Variants in PSD2 observed in about 807,000 individuals in gnomAD.
PSD2 encodes PH and SEC7 domain-containing protein 2.
A neutral mutation model predicts 69.8 loss-of-function variants in PSD2; 38 were observed. The ratio of observed to expected loss-of-function variants is 0.54; its 90% CI spans 0.42 to 0.71. The LOEUF (loss-of-function observed/expected upper bound fraction) is 0.71. PSD2 is among the 30% of genes least tolerant of loss of function. The probability of loss-of-function intolerance (pLI) is 0.00; values close to 1 mark genes in which losing one functional copy is unlikely to be tolerated. For missense variants in PSD2, 943 were observed against 1,014.5 expected (o/e 0.93, Z 0.96); for synonymous variants, 412 against 423.0 (o/e 0.97, Z 0.32).
intron 13 of PSD2, 122 bp downstream of exon 13, chr5:139,838,894 G>A: frequency 9.5e-7 from 1 of 1,058,144 alleles, no homozygotes; most frequent in Non-Finnish European, 1.4e-6. Flanking sequence ...AAGGACACCA[G>A]AGAAGGACAC....
intron 4 of PSD2, among the ~76,000 whole-genome samples, chr5:139,817,220 C>T (rs1443830552): frequency 6.6e-6 from 1 of 152,224 alleles, no homozygotes; most frequent in South Asian, 2.1e-4. Flanking sequence ...CCTGGGGACA[C>T]TGCATCATCC....
chr5:139,835,667 G>A (rs1581738518), intron 8 of PSD2, 56 bp from the exon 9 acceptor site: 1 of 1,552,140 alleles, frequency 6.4e-7, no homozygotes, highest in Non-Finnish European at 8.9e-7. Flanking sequence ...GGTGGTAGAT[G>A]AGGGTTTCTT....
intron 7 of PSD2, among the ~76,000 whole-genome samples, chr5:139,832,584 T>G (rs1283676708): frequency 6.6e-6 from 1 of 152,244 alleles, no homozygotes; most frequent in Admixed American, 6.5e-5. Flanking sequence ...ATCAGCATGG[T>G]AAAGACTCTG....
At chr5:139,791,365 G>A (rs1759412986), upstream of PSD2, among the ~76,000 whole-genome samples, 1 of 152,152 alleles carries the variant, frequency 6.6e-6, no homozygotes, top group Non-Finnish European at 1.5e-5. Context: ...GGGAAGTCAA[G>A]GCTGCACTGA....
At chr5:139,761,017 A>G in the PSD2 span, among the ~76,000 whole-genome samples, 1 of 152,170 alleles carries the variant, frequency 6.6e-6, no homozygotes, top group South Asian at 2.1e-4. Flanking sequence ...TAAATACACA[A>G]ATAAATAAAA....
chr5:139,818,096 C>T (rs1180005975), intron 5 of PSD2, among the ~76,000 whole-genome samples: 1 of 152,068 alleles, frequency 6.6e-6, no homozygotes. Context: ...GGGTGCAGCC[C>T]TGTAGTATCT....
At chr5:139,818,019 T>C (rs1328916517) in intron 5 of PSD2, among the ~76,000 whole-genome samples, 1 of 152,168 alleles carries the variant, frequency 6.6e-6, no homozygotes, top group Non-Finnish European at 1.5e-5. Context: ...TATTGGTGTT[T>C]GGACCTAGGG....
rs1490610155 is a variant in PSD2 at position 139,837,240 on chromosome 5, T to C, written c.1665+2T>C. The C allele has an allele frequency of 6.2e-7, 1 of 1,613,640 alleles. No homozygotes were observed. Among genetic ancestry groups the C allele is most frequent in the Admixed American group, 1.7e-5 (1 of 60,008 alleles). ...GGGACCATCCTGTACCTGCAGAAGG[T>C]GAGAGACTGCCCCAGAGACCTTACT... On this transcript the variant is annotated splice_donor_variant, in intron 11 of 14. Coordinates refer to ENST00000274710, the MANE Select transcript of PSD2 (RefSeq NM_032289.4). LOFTEE classifies it high-confidence loss of function. The surrounding 1 kb of genome is among the most constrained non-coding windows in gnomAD (Gnocchi z 5.0).
chr5:139,780,365 C>T, the PSD2 span, among the ~76,000 whole-genome samples: 1 of 152,184 alleles, frequency 6.6e-6, no homozygotes. Flanking sequence ...TCTCCGTGAC[C>T]CTGAACTTGT....
the PSD2 span, among the ~76,000 whole-genome samples, chr5:139,749,402 T>G: frequency 2.0e-5 from 3 of 152,250 alleles, no homozygotes; most frequent in African/African-American, 7.2e-5. Context: ...GAAGCAGCTA[T>G]GTTTTAAACA....
At chr5:139,800,711 A>T (rs897016016) in intron 1 of PSD2, among the ~76,000 whole-genome samples, 5 of 152,068 alleles carry the variant, frequency 3.3e-5, no homozygotes, top group Admixed American at 1.3e-4. Context: ...GTCTGCACTC[A>T]CTGCTCTGCT....
the PSD2 span, among the ~76,000 whole-genome samples, chr5:139,748,717 C>T: frequency 6.6e-6 from 1 of 152,264 alleles, no homozygotes; most frequent in Non-Finnish European, 1.5e-5. Context: ...GGGCGCTGAG[C>T]CCCCGGCCCG....
At chr5:139,763,762 G>A in the PSD2 span, among the ~76,000 whole-genome samples, 5 of 152,192 alleles carry the variant, frequency 3.3e-5, no homozygotes, top group African/African-American at 1.2e-4. Flanking sequence ...CAGCCTGCCA[G>A]TCTACATTCT....
At chr5:139,818,549 G>C (rs945897460) in intron 5 of PSD2, among the ~76,000 whole-genome samples, 8 of 152,094 alleles carry the variant, frequency 5.3e-5, no homozygotes, top group African/African-American at 9.7e-5. Flanking sequence ...CTATCTCAAA[G>C]AAACAAACAA....
rs1343016544 is a variant in PSD2, at chr5:139,839,039, T to G, written c.1968+267T>G. ...GCATCCCTGTGGATGTGACCGAGAG[T>G]TGGTGGCCTTGTGTGCACCTGGGCA... On this transcript the variant is annotated intron_variant, in intron 13 of 14. Coordinates refer to ENST00000274710, the MANE Select transcript of PSD2 (RefSeq NM_032289.4). The surrounding 1 kb of genome is among the most constrained non-coding windows in gnomAD (Gnocchi z 5.1). Among the ~76,000 whole-genome samples, 1 of 152,012 alleles carries G rather than the reference T, an allele frequency of 6.6e-6. No individual in the cohort carries two copies. The highest frequency in any genetic ancestry group is 2.4e-5 in the African/African-American group (1 of 41,378).
the PSD2 span, among the ~76,000 whole-genome samples, chr5:139,776,291 C>G: frequency 6.6e-6 from 1 of 152,208 alleles, no homozygotes; most frequent in South Asian, 2.1e-4. Flanking sequence ...AACCAGGGTC[C>G]CCCTAAAAAA....
intron 7 of PSD2, among the ~76,000 whole-genome samples, chr5:139,824,431 C>T (rs1190977453): frequency 7.1e-6 from 1 of 141,438 alleles, no homozygotes; most frequent in Admixed American, 7.2e-5. Context: ...GAGTCTCACT[C>T]TGTCGCCTAG....
intron 1 of PSD2, among the ~76,000 whole-genome samples, chr5:139,797,887 G>A (rs1759569246): frequency 6.6e-6 from 1 of 152,180 alleles, no homozygotes; most frequent in Non-Finnish European, 1.5e-5. Context: ...TAGGAGAGAG[G>A]TGGGAGGTGG....
upstream of PSD2, among the ~76,000 whole-genome samples, chr5:139,792,399 T>C (rs1759429328): frequency 6.6e-6 from 1 of 152,112 alleles, no homozygotes; most frequent in Non-Finnish European, 1.5e-5. Flanking sequence ...CTGCCCAAGG[T>C]GCTGACCATG....
Sources: gnomAD v4.1 joint callset for allele counts (sites outside exome capture counted in the v4.1 genomes callset) on GRCh38, gnomAD v4.1.1 for gene constraint, Gnocchi (gnomAD v3.1) non-coding constraint, MANE v1.5 for transcripts, NCBI Gene and HGNC (gene_info 2026-07-23, HGNC 2026-07-21) for gene names.